ALPK2: variants seen among roughly 807,000 people sequenced by gnomAD.
The protein encoded by ALPK2 is alpha-protein kinase 2.
ALPK2 carries 127 observed loss-of-function variants against 163.1 expected under a neutral mutation model. The ratio of observed to expected loss-of-function variants is 0.78; its 90% CI spans 0.67 to 0.90. The LOEUF (loss-of-function observed/expected upper bound fraction) is 0.90, where lower values mean the gene tolerates loss of function less well. Among genes scored for constraint, ALPK2 ranks in the 40% least tolerant of loss-of-function variants. ALPK2 has a pLI of 0.00. For missense variants in ALPK2, 2,360 were observed against 2,589.6 expected, an observed-to-expected ratio of 0.91 and a Z score of 1.92; for synonymous variants, 953 against 959.1, an observed-to-expected ratio of 0.99 and a Z score of 0.12.
chr18:58,541,866 A>C (rs943883596), intron 4 of ALPK2, among the ~76,000 whole-genome samples: 3 of 152,226 alleles, frequency 2.0e-5, no homozygotes, highest in Admixed American at 2.0e-4. Context: ...TCCAGAGGCC[A>C]GCTCACAGAG....
intron 4 of ALPK2, among the ~76,000 whole-genome samples, chr18:58,573,364 G>GTGTA (rs1568089446): frequency 6.4e-5 from 9 of 139,626 alleles, no homozygotes; most frequent in East Asian, 2.0e-4. Flanking sequence ...ATATGTGTGT[G>GTGTA]TATATATATA....
intron 3 of ALPK2, among the ~76,000 whole-genome samples, chr18:58,581,539 G>A (rs534909099): frequency 1.3e-5 from 2 of 152,320 alleles, no homozygotes; most frequent in Admixed American, 6.5e-5. Flanking sequence ...CAGGATGGAC[G>A]CTGCTCCTGT....
At chr18:58,557,348 G>A (rs772174376) in intron 4 of ALPK2, among the ~76,000 whole-genome samples, 5 of 152,110 alleles carry the variant, frequency 3.3e-5, no homozygotes, top group South Asian at 4.2e-4. Context: ...TGGGGGAGGC[G>A]TGTCATTAGA....
chr18:58,541,142 G>A (rs954796647), intron 4 of ALPK2, among the ~76,000 whole-genome samples: 1 of 152,330 alleles, frequency 6.6e-6, no homozygotes, highest in Admixed American at 6.5e-5. Context: ...ATAAATGAAA[G>A]AGGTGTAATT....
chr18:58,608,513 A>T (rs2052109866), intron 2 of ALPK2, among the ~76,000 whole-genome samples: 2 of 152,198 alleles, frequency 1.3e-5, no homozygotes, highest in Admixed American at 1.3e-4. Flanking sequence ...ATATGTCAAA[A>T]TGTGCCATAT....
At chr18:58,573,589 G>C (rs1175719154) in intron 4 of ALPK2, among the ~76,000 whole-genome samples, 8 of 136,202 alleles carry the variant, frequency 5.9e-5, no homozygotes, top group Non-Finnish European at 1.2e-4. Context: ...CTTTTATCTA[G>C]AGGCATGTTG....
In ALPK2 at chr18:58,579,198, C is replaced by T; in HGVS notation, c.1578G>A (p.Trp526Ter). Residue 526 changes from tryptophan (W) to a stop codon, truncating the protein, a stop_gained, in exon 4 of 13, where the codon TGG becomes TGA. Transcript: ENST00000361673. LOFTEE classifies it high-confidence loss of function. ...ADKRVGGKDL[W>*]SKRGSRKSAR... ...CAGATTTCCTTGAACCCCTCTTGCT[C>T]CATAAGTCCTTTCCCCCCACTCTCT... 1 of 1,614,154 alleles carries T rather than the reference C, an allele frequency of 6.2e-7. No homozygotes were observed. The highest frequency in any genetic ancestry group is 1.6e-4 in the Middle Eastern group (1 of 6,062).
At chr18:58,587,339 TA>T (rs773197742) in intron 3 of ALPK2, among the ~76,000 whole-genome samples, 4 of 152,190 alleles carry the variant, frequency 2.6e-5, no homozygotes, top group Non-Finnish European at 5.9e-5. Context: ...TTACATTGTT[TA>T]AAATGTCCAG....
chr18:58,491,812 G>T (rs1027123895), intron 12 of ALPK2, among the ~76,000 whole-genome samples: 1 of 152,236 alleles, frequency 6.6e-6, no homozygotes, highest in Non-Finnish European at 1.5e-5. Context: ...CTTGTGGGGC[G>T]GTTACAGGAG....
intron 12 of ALPK2, among the ~76,000 whole-genome samples, chr18:58,494,869 T>C (rs2051393543): frequency 6.6e-6 from 1 of 152,216 alleles, no homozygotes; most frequent in Non-Finnish European, 1.5e-5. Flanking sequence ...CTTGAGCCCT[T>C]TCCAAGTCTG....
At chr18:58,585,931 G>T (rs1352583671) in intron 3 of ALPK2, among the ~76,000 whole-genome samples, 1 of 152,120 alleles carries the variant, frequency 6.6e-6, no homozygotes, top group Non-Finnish European at 1.5e-5. Flanking sequence ...TGATCTGCCT[G>T]CCTTGGCCTC....
chr18:58,506,257 A>G (rs2051461366), intron 10 of ALPK2, among the ~76,000 whole-genome samples: 1 of 151,764 alleles, frequency 6.6e-6, no homozygotes, highest in Non-Finnish European at 1.5e-5. Context: ...AAAACTACCT[A>G]TTGGGTGCCA....
chr18:58,552,593 AT>A (rs963798983), intron 4 of ALPK2, among the ~76,000 whole-genome samples: 2 of 152,206 alleles, frequency 1.3e-5, no homozygotes, highest in African/African-American at 4.8e-5. Context: ...TATTCAACAA[AT>A]ACTTGTTGAA....
At chr18:58,558,814 C>CCAGA (rs1170434193) in intron 4 of ALPK2, among the ~76,000 whole-genome samples, 1 of 152,160 alleles carries the variant, frequency 6.6e-6, no homozygotes, top group Non-Finnish European at 1.5e-5. Context: ...ATGAAAGAAG[C>CCAGA]CAGACACACA....
intron 5 of ALPK2, among the ~76,000 whole-genome samples, chr18:58,531,935 C>CAAA (rs35957271): frequency 0.28 from 13,923 of 49,620 alleles, 4,076 homozygotes; most frequent in Non-Finnish European, 0.32. Flanking sequence ...GGCTCCGTCT[C>CAAA]AAAAAAAAAA....
At chr18:58,604,850 A>G (rs1205291389) in intron 3 of ALPK2, among the ~76,000 whole-genome samples, 3 of 152,036 alleles carry the variant, frequency 2.0e-5, no homozygotes, top group African/African-American at 7.2e-5. Context: ...TCCCTCCCCA[A>G]GTTTCTCCTT....
chr18:58,555,962 C>T (rs968335710), intron 4 of ALPK2, among the ~76,000 whole-genome samples: 34 of 152,178 alleles, frequency 2.2e-4, no homozygotes, highest in African/African-American at 8.2e-4. Flanking sequence ...GCTGGGATTA[C>T]AGGCACCCGA....
intron 10 of ALPK2, among the ~76,000 whole-genome samples, chr18:58,514,315 C>T (rs2051509710): frequency 1.3e-5 from 2 of 152,186 alleles, no homozygotes; most frequent in Non-Finnish European, 1.5e-5. Flanking sequence ...AGTTTTTACT[C>T]ATAGGTAAAT....
chr18:58,488,060 A>G (rs1439375066), intron 12 of ALPK2, among the ~76,000 whole-genome samples: 1 of 152,096 alleles, frequency 6.6e-6, no homozygotes, highest in Non-Finnish European at 1.5e-5. Flanking sequence ...TCACTGGTCC[A>G]GGGACCCCCT....
Sources: allele counts gnomAD v4.1 joint callset (sites outside exome capture counted in the v4.1 genomes callset), GRCh38; gene constraint gnomAD v4.1.1; transcripts MANE v1.5; gene names NCBI Gene and HGNC (gene_info 2026-07-23, HGNC 2026-07-21).